The following PRKAR2A variants were observed in gnomAD, a reference collection of about 807,000 sequenced individuals.
The protein encoded by PRKAR2A is protein kinase cAMP-dependent type II regulatory subunit alpha, also known as cAMP-dependent protein kinase type II-alpha regulatory subunit.
In PRKAR2A, 29 loss-of-function variants were observed where a neutral mutation model predicts 51.9. The ratio of observed to expected loss-of-function variants is 0.56; its 90% CI spans 0.42 to 0.76. The LOEUF is 0.76. Ranked by LOEUF, PRKAR2A falls within the 30% of genes least tolerant of loss-of-function variation. The probability of loss-of-function intolerance (pLI) is 0.00; values close to 1 mark genes in which losing one functional copy is unlikely to be tolerated. For synonymous variants in PRKAR2A, 178 were observed against 186.2 expected (o/e 0.96, Z 0.36); for missense variants, 445 against 512.1 (o/e 0.87, Z 1.26).
Position 48,751,489 on chromosome 3 carries a change from C to T in PRKAR2A, c.*96G>A. On this transcript the variant is annotated 3_prime_UTR_variant, in exon 11 of 11. Transcript: ENST00000265563. ...GCAATGGCAGCAGTGGCGGCAACGG[C>T]AGGAACAGTTCTGTCATGTCTGTTT... 6.5e-7 allele frequency: 1 copy of T among 1,546,858 alleles called. No homozygotes were observed.
intron 1 of PRKAR2A, among the ~76,000 whole-genome samples, chr3:48,844,774 G>T (rs1400558656): frequency 6.7e-6 from 1 of 148,590 alleles, no homozygotes; most frequent in Non-Finnish European, 1.5e-5. Flanking sequence ...ACTCACAGAT[G>T]GGAATTGAAC....
intron 1 of PRKAR2A, among the ~76,000 whole-genome samples, chr3:48,836,137 C>T (rs2083279213): frequency 6.6e-6 from 1 of 151,848 alleles, no homozygotes; most frequent in Admixed American, 6.6e-5. Flanking sequence ...ATAAAGTACT[C>T]GGCCAGGCAC....
chr3:48,769,367 C>A (rs1322721291), intron 6 of PRKAR2A, among the ~76,000 whole-genome samples: 5 of 151,740 alleles, frequency 3.3e-5, no homozygotes, highest in Non-Finnish European at 5.9e-5. Context: ...CCGTGTTAGC[C>A]AGGATGGTCT....
At chr3:48,764,953 GT>G in intron 8 of PRKAR2A, 50 bp downstream of exon 8, 4 of 1,524,752 alleles carry the variant, frequency 2.6e-6, no homozygotes, top group Non-Finnish European at 2.7e-6. Context: ...TGATGTACTA[GT>G]TCTTCAGGGG....
intron 1 of PRKAR2A, among the ~76,000 whole-genome samples, chr3:48,821,136 G>A (rs991330939): frequency 1.3e-5 from 2 of 152,156 alleles, no homozygotes; most frequent in African/African-American, 2.4e-5. Context: ...GAGAAAGAAC[G>A]TCTCCCTAAG....
chr3:48,763,865 A>G (rs1480876511), intron 8 of PRKAR2A, among the ~76,000 whole-genome samples: 1 of 152,226 alleles, frequency 6.6e-6, no homozygotes, highest in African/African-American at 2.4e-5. Flanking sequence ...TCTAATTAAA[A>G]GAATTATTAA....
intron 1 of PRKAR2A, among the ~76,000 whole-genome samples, chr3:48,809,157 C>G (rs145344836): frequency 6.6e-6 from 1 of 152,238 alleles, no homozygotes; most frequent in Non-Finnish European, 1.5e-5. Flanking sequence ...TATAAAGTAC[C>G]TGGAGAAAAT....
At chr3:48,808,951 T>C (rs1237894882) in intron 1 of PRKAR2A, among the ~76,000 whole-genome samples, 2 of 124,724 alleles carry the variant, frequency 1.6e-5, no homozygotes, top group African/African-American at 6.2e-5. Flanking sequence ...CTGTTAATTT[T>C]TGTATTTTTA....
At chr3:48,837,873 G>A (rs2083308789) in intron 1 of PRKAR2A, among the ~76,000 whole-genome samples, 2 of 151,998 alleles carry the variant, frequency 1.3e-5, no homozygotes, top group South Asian at 4.1e-4. Context: ...TATGCTAAGT[G>A]CCAGCGGCAA....
chr3:48,803,099 A>G (rs2082616266), intron 2 of PRKAR2A, among the ~76,000 whole-genome samples: 2 of 152,156 alleles, frequency 1.3e-5, no homozygotes, highest in African/African-American at 4.8e-5. Context: ...GGAAGGTATG[A>G]AAGACTTATC....
Position 48,773,064 on chromosome 3 carries a change from G to A in PRKAR2A, c.587C>T (p.Ser196Phe). The change falls in exon 6 of 11, where the codon TCT becomes TTT. Residue 196 changes from serine to phenylalanine, a missense_variant. Transcript: ENST00000265563. ...GCCACGGTTGTCATATTGACCAACA[G>A]AGCGGGTTTGATTATCTTTTGTTAC... ...ILVTKDNQTR[S>F]VGQYDNRGSF... The A allele has an allele frequency of 1.9e-6, 3 of 1,612,886 alleles. No homozygotes were observed. The highest frequency in any genetic ancestry group is 2.5e-6 in the Non-Finnish European group (3 of 1,179,248).
At chr3:48,845,333 CT>C (rs1325705047) in intron 1 of PRKAR2A, among the ~76,000 whole-genome samples, 1 of 152,164 alleles carries the variant, frequency 6.6e-6, no homozygotes, top group African/African-American at 2.4e-5. Flanking sequence ...CTTGTTACTC[CT>C]TTAGCATGAA....
intron 8 of PRKAR2A, among the ~76,000 whole-genome samples, chr3:48,760,244 C>T (rs1228913331): frequency 1.3e-5 from 2 of 152,044 alleles, no homozygotes; most frequent in Non-Finnish European, 2.9e-5. Context: ...GTAGTTCCAG[C>T]TACTCGGGAG....
intron 3 of PRKAR2A, 23 bp from the exon 4 acceptor site, chr3:48,790,650 G>T: frequency 7.3e-7 from 1 of 1,363,728 alleles, no homozygotes; most frequent in Non-Finnish European, 9.7e-7. Flanking sequence ...ATAAAACCAT[G>T]GAAACTGTTT....
intron 7 of PRKAR2A, 78 bp downstream of exon 7, chr3:48,765,170 T>C: frequency 2.6e-6 from 4 of 1,546,412 alleles, no homozygotes; most frequent in South Asian, 1.1e-5. Context: ...AATAGTATGA[T>C]TTGAAAACCT....
intron 2 of PRKAR2A, among the ~76,000 whole-genome samples, chr3:48,796,318 C>T (rs2082490533): frequency 6.6e-6 from 1 of 152,176 alleles, no homozygotes; most frequent in Non-Finnish European, 1.5e-5. Context: ...AGTAAGGAGG[C>T]AACTTGAACT....
At chr3:48,786,330 G>A (rs1443296738) in intron 4 of PRKAR2A, among the ~76,000 whole-genome samples, 1 of 150,268 alleles carries the variant, frequency 6.7e-6, no homozygotes, top group African/African-American at 2.4e-5. Flanking sequence ...TCACCATGTT[G>A]CCCAGGCTGG....
rs1281759433 is a variant in PRKAR2A, at chr3:48,823,071, C to CT, written c.263-15388dup. 9.7e-3 allele frequency among the ~76,000 whole-genome samples: 1,405 copies of CT among 145,364 alleles called. 15 individuals carry two copies. Among genetic ancestry groups the CT allele is most frequent in the Middle Eastern group, 0.047 (13 of 278 alleles). On this transcript the variant is annotated intron_variant, in intron 1 of 10. Transcript: ENST00000265563. The stretch of plus-strand genomic sequence containing the variant: ...TCACACAAAGGACTATTTTAAGTGA[C>CT]TTTTTTTTTTTTAACATAGAGACGA...
rs1198962303 is a variant in PRKAR2A at position 48,785,258 on chromosome 3, A to ATTTTTTTTT, written c.436-2175_436-2167dup. 8.5e-4 allele frequency among the ~76,000 whole-genome samples: 105 copies of ATTTTTTTTT among 123,876 alleles called. 1 individual carries two copies. Among genetic ancestry groups the ATTTTTTTTT allele is most frequent in the African/African-American group, 2.9e-3 (98 of 33,410 alleles). 81.3% of individuals were successfully genotyped at this position (123,876 alleles called of 152,430 possible). On this transcript the variant is annotated intron_variant, in intron 4 of 10. Transcript: ENST00000265563. ...AGGCGCATGCCACCAGGCCTGGATA[A>ATTTTTTTTT]TTTTTTTTTTTTTTTTTTTTGAGAC...
Sources: allele counts gnomAD v4.1 joint callset (sites outside exome capture counted in the v4.1 genomes callset), GRCh38; gene constraint gnomAD v4.1.1; transcripts MANE v1.5; gene names NCBI Gene and HGNC (gene_info 2026-07-23, HGNC 2026-07-21).